Variants in CMTM7 observed in about 807,000 individuals in gnomAD.
The protein encoded by CMTM7 is CKLF like MARVEL transmembrane domain containing 7, also known as CKLF-like MARVEL transmembrane domain-containing protein 7.
CMTM7 carries 7 observed loss-of-function variants against 19.3 expected under a neutral mutation model. The ratio of observed to expected loss-of-function variants is 0.36; its 90% CI spans 0.21 to 0.68. CMTM7 has a LOEUF of 0.68. CMTM7 is among the 30% of genes least tolerant of loss of function. The pLI, the probability that CMTM7 is intolerant of heterozygous loss-of-function variation, is 0.60. For missense variants in CMTM7, 193 were observed against 232.6 expected, an observed-to-expected ratio of 0.83 and a Z score of 1.11; for synonymous variants, 87 against 99.3, an observed-to-expected ratio of 0.88 and a Z score of 0.74.
At chr3:32,433,525 G>A (rs1431055184) in intron 1 of CMTM7, among the ~76,000 whole-genome samples, 3 of 152,196 alleles carry the variant, frequency 2.0e-5, no homozygotes, top group Non-Finnish European at 2.9e-5. Context: ...GGGGGCATTT[G>A]ATGAGTACAT....
At chr3:32,416,641 C>T (rs926296326) in intron 1 of CMTM7, among the ~76,000 whole-genome samples, 4 of 152,012 alleles carry the variant, frequency 2.6e-5, no homozygotes, top group African/African-American at 2.4e-5. Context: ...CCAACCGCCT[C>T]GGCCTCCCAA....
At chr3:32,417,171 A>G (rs566846910) in intron 1 of CMTM7, among the ~76,000 whole-genome samples, 74 of 152,336 alleles carry the variant, frequency 4.9e-4, no homozygotes, top group Admixed American at 3.7e-3. Context: ...CCGTCACCAC[A>G]GTGTGTACAG....
chr3:32,395,797 G>A (rs1695906037), intron 1 of CMTM7, among the ~76,000 whole-genome samples: 1 of 152,144 alleles, frequency 6.6e-6, no homozygotes, highest in African/African-American at 2.4e-5. Flanking sequence ...AATGAAAACA[G>A]ATGTCCACAT....
intron 1 of CMTM7, among the ~76,000 whole-genome samples, chr3:32,439,695 C>T (rs1456179754): frequency 2.0e-5 from 3 of 152,234 alleles, no homozygotes; most frequent in Non-Finnish European, 4.4e-5. Flanking sequence ...TCAGGTGATC[C>T]ACCCGCCTTG....
chr3:32,442,481 CA>C (rs916992857), intron 2 of CMTM7, among the ~76,000 whole-genome samples: 1 of 114,098 alleles, frequency 8.8e-6, no homozygotes, highest in Non-Finnish European at 1.6e-5. Context: ...GCCTGGGTGA[CA>C]GAGCGAGACT....
intron 1 of CMTM7, among the ~76,000 whole-genome samples, chr3:32,410,974 A>C (rs143089668): frequency 1.8e-3 from 269 of 152,368 alleles, no homozygotes; most frequent in African/African-American, 6.3e-3. Flanking sequence ...TGGCAAGCTC[A>C]GTTTGTGATA....
At chr3:32,424,273 T>C (rs917982582) in intron 1 of CMTM7, among the ~76,000 whole-genome samples, 3 of 152,178 alleles carry the variant, frequency 2.0e-5, no homozygotes, top group Non-Finnish European at 2.9e-5. Flanking sequence ...CCAGGGTTCC[T>C]AGGGCGAGCA....
intron 1 of CMTM7, among the ~76,000 whole-genome samples, chr3:32,430,310 G>A (rs925041395): frequency 7.9e-5 from 12 of 152,080 alleles, no homozygotes; most frequent in African/African-American, 1.4e-4. Flanking sequence ...GCTGGCCAGC[G>A]TGTCTGCTTG....
intron 2 of CMTM7, among the ~76,000 whole-genome samples, chr3:32,444,877 A>C (rs893770455): frequency 2.0e-5 from 3 of 152,160 alleles, no homozygotes; most frequent in Admixed American, 6.6e-5. Flanking sequence ...CAGCCTCCCA[A>C]AATGCTGGGA....
intron 1 of CMTM7, among the ~76,000 whole-genome samples, chr3:32,438,008 G>T (rs1210611754): frequency 6.6e-6 from 1 of 152,164 alleles, no homozygotes; most frequent in Non-Finnish European, 1.5e-5. Flanking sequence ...ACCTTAAGAG[G>T]CAAGTGAACC....
chr3:32,419,183 A>G (rs542037724), intron 1 of CMTM7, among the ~76,000 whole-genome samples: 49 of 152,292 alleles, frequency 3.2e-4, no homozygotes, highest in Non-Finnish European at 4.7e-4. Context: ...TTTTAACTTC[A>G]GTTGTTCATT....
At chr3:32,450,882 C>T (rs1003110401) in intron 3 of CMTM7, 1 of 152,180 alleles carries the variant, frequency 6.6e-6, no homozygotes, top group Non-Finnish European at 1.5e-5. Flanking sequence ...AGGACCAAAC[C>T]TGGGCTATGA....
rs540107864 is a variant in CMTM7, at chr3:32,445,895, A to G, written c.334-3559A>G. The stretch of plus-strand genomic sequence containing the variant: ...GGCCATAATGTATAACCCATTTTAT[A>G]TGCTGGTATATTCAGTTTGCTAATA... On this transcript the variant is annotated intron_variant, in intron 2 of 4. Transcript: ENST00000334983. Among the ~76,000 whole-genome samples, 3 of 152,248 alleles carry G rather than the reference A, an allele frequency of 2.0e-5. No individual in the cohort carries two copies. In the South Asian group the frequency reaches 6.2e-4, roughly 32 times the overall value.
In CMTM7 at chr3:32,442,006, C is replaced by T. The variant is rs866824839; in HGVS notation, c.326C>T (p.Pro109Leu). ...FYRVLTCISWPLSELLHYLIG... is the reference protein window; with the variant it reads ...FYRVLTCISWLLSELLHYLIG... The stretch of plus-strand genomic sequence containing the variant: ...CGCGTGCTCACCTGTATCAGCTGGC[C>T]CCTGTCGGTAAGAGAGTGGTCTGGC... The change falls in exon 2 of 5, where the codon CCC becomes CTC. Residue 109 changes from proline to leucine, a missense_variant. Physicochemically the swap from Pro to Leu is moderately conservative, Grantham distance 98. Coordinates refer to ENST00000334983, the MANE Select transcript of CMTM7 (RefSeq NM_138410.4). The T allele has an allele frequency of 6.2e-7, 1 of 1,614,020 alleles. No homozygotes were observed. Among genetic ancestry groups the T allele is most frequent in the East Asian group, 2.2e-5 (1 of 44,878 alleles).
intron 1 of CMTM7, among the ~76,000 whole-genome samples, chr3:32,439,310 A>G (rs574589912): frequency 6.6e-6 from 1 of 152,320 alleles, no homozygotes; most frequent in South Asian, 2.1e-4. Context: ...ACCTGCTTCA[A>G]GCTTCCAGCT....
In CMTM7 at chr3:32,440,070, T is replaced by TACACACACACACAC. The variant is rs10526471; in HGVS notation, c.160-1747_160-1734dup. Among the ~76,000 whole-genome samples the TACACACACACACAC allele has an allele frequency of 2.5e-4, 37 of 150,178 alleles. 1 individual carries two copies. The East Asian group carries it at 6.8e-3, about 28-fold the overall frequency. ...CACCCATACACTAACACCACACGCA[T>TACACACACACACAC]ACACACACACACACACACACACACA... On this transcript the variant is annotated intron_variant, in intron 1 of 4. Transcript: ENST00000334983.
At chr3:32,427,914 C>T (rs1402263032) in intron 1 of CMTM7, among the ~76,000 whole-genome samples, 1 of 152,216 alleles carries the variant, frequency 6.6e-6, no homozygotes, top group African/African-American at 2.4e-5. Flanking sequence ...TTAGATCAAA[C>T]TCTTAAGTGT....
intron 1 of CMTM7, among the ~76,000 whole-genome samples, chr3:32,432,757 A>C (rs1361393361): frequency 6.6e-6 from 1 of 152,324 alleles, no homozygotes; most frequent in Admixed American, 6.5e-5. Context: ...GCGTACAATC[A>C]GGGTTAGTGA....
At chr3:32,403,071 ATTGT>A (rs1407009664) in intron 1 of CMTM7, among the ~76,000 whole-genome samples, 5 of 152,054 alleles carry the variant, frequency 3.3e-5, no homozygotes, top group South Asian at 2.1e-4. Context: ...AGCTCTCAAC[ATTGT>A]TTGTGAAAAA....
Sources: allele counts gnomAD v4.1 joint callset (sites outside exome capture counted in the v4.1 genomes callset), GRCh38; gene constraint gnomAD v4.1.1; transcripts MANE v1.5; gene names NCBI Gene and HGNC (gene_info 2026-07-23, HGNC 2026-07-21).